The following GSTCD variants were observed in gnomAD, a reference collection of about 807,000 sequenced individuals.
GSTCD encodes the protein glutathione S-transferase C-terminal domain-containing protein.
GSTCD carries 44 observed loss-of-function variants against 68.3 expected under a neutral mutation model. The observed-to-expected ratio is 0.64, with a 90% confidence interval of 0.51 to 0.83. The LOEUF (loss-of-function observed/expected upper bound fraction) is 0.83, where lower values mean the gene tolerates loss of function less well. GSTCD is among the 40% of genes least tolerant of loss of function. GSTCD has a pLI of 0.00. For missense variants in GSTCD, 739 were observed against 735.9 expected, an observed-to-expected ratio of 1.00 and a Z score of -0.05; for synonymous variants, 273 against 255.2, an observed-to-expected ratio of 1.07 and a Z score of -0.67.
intron 5 of GSTCD, among the ~76,000 whole-genome samples, chr4:105,748,270 A>G (rs1170184282): frequency 6.6e-6 from 1 of 152,114 alleles, no homozygotes; most frequent in Non-Finnish European, 1.5e-5. Context: ...AAAGAAAAAA[A>G]AATACTAAAA....
chr4:105,735,559 CG>C (rs1431585036), intron 5 of GSTCD, among the ~76,000 whole-genome samples: 1 of 152,116 alleles, frequency 6.6e-6, no homozygotes, highest in East Asian at 1.9e-4. Context: ...CCCAATTTTC[CG>C]GGTGCTGTGT....
chr4:105,758,230 A>G (rs1274431737), intron 5 of GSTCD, among the ~76,000 whole-genome samples: 5 of 152,180 alleles, frequency 3.3e-5, no homozygotes, highest in African/African-American at 4.8e-5. Flanking sequence ...AGATAACACT[A>G]CAGTGAAAAC....
chr4:105,846,459 C>T lies in GSTCD; in HGVS notation c.*882C>T, dbSNP rs1724550300. The T allele has an allele frequency of 6.6e-6, 1 of 152,056 alleles. No individual in the cohort carries two copies. Among genetic ancestry groups the T allele is most frequent in the South Asian group, 2.1e-4 (1 of 4,826 alleles). The allele number at this position is 152,056 out of a possible 1,614,324, so 9.4% of individuals were successfully genotyped here. ...ATTATTAAATAATTGCCATAAATTTCCTATTACGGGAATGTGGAATTTGGA... is the reference window on the plus strand; with the variant it reads ...ATTATTAAATAATTGCCATAAATTTTCTATTACGGGAATGTGGAATTTGGA... On this transcript the variant is annotated 3_prime_UTR_variant, in exon 12 of 12. Coordinates refer to ENST00000515279, the MANE Select transcript of GSTCD (RefSeq NM_001370181.1).
In GSTCD at chr4:105,778,700, A is replaced by C. The variant is rs1735165349; in HGVS notation, c.1241-44254A>C. 2.0e-5 allele frequency among the ~76,000 whole-genome samples: 3 copies of C among 152,134 alleles called. No homozygotes were observed. The South Asian group carries it at 6.2e-4, about 31-fold the overall frequency. On this transcript the variant is annotated intron_variant, in intron 5 of 11. Coordinates refer to ENST00000515279, the MANE Select transcript of GSTCD (RefSeq NM_001370181.1). ...GTTCAAGGTCATTTTATTTTAATTA[A>C]ACATGTCTTGAATTATAATATGTTC...
chr4:105,780,373 G>C (rs1227592563), intron 5 of GSTCD, among the ~76,000 whole-genome samples: 1 of 152,176 alleles, frequency 6.6e-6, no homozygotes, highest in African/African-American at 2.4e-5. Context: ...TAATGCTCTG[G>C]AAAATGTTTC....
In GSTCD at chr4:105,842,140, T is replaced by A; in HGVS notation, c.1765+6T>A. On this transcript the variant is annotated splice_donor_region_variant and intron_variant, in intron 11 of 11. Coordinates refer to ENST00000515279, the MANE Select transcript of GSTCD (RefSeq NM_001370181.1). ...ACCCCAACGAAGGCTCATAGGTATGTGTTTTCACAGAGCAGCTGTTGAGTG... is the reference window on the plus strand; with the variant it reads ...ACCCCAACGAAGGCTCATAGGTATGAGTTTTCACAGAGCAGCTGTTGAGTG... 1 of 1,611,676 alleles carries A rather than the reference T, an allele frequency of 6.2e-7. No homozygotes were observed.
At chr4:105,820,016 G>A (rs1156228455) in intron 5 of GSTCD, among the ~76,000 whole-genome samples, 2 of 151,790 alleles carry the variant, frequency 1.3e-5, no homozygotes, top group Non-Finnish European at 3.0e-5. Flanking sequence ...GTTATAACTT[G>A]TAAGATACTT....
chr4:105,829,540 G>A lies in GSTCD; in HGVS notation c.1530+3740G>A, dbSNP rs540203460. Among the ~76,000 whole-genome samples, 360 of 152,288 alleles carry A rather than the reference G, an allele frequency of 2.4e-3. 1 individual carries two copies. Among genetic ancestry groups the A allele is most frequent in the African/African-American group, 8.3e-3 (346 of 41,548 alleles). On this transcript the variant is annotated intron_variant, in intron 8 of 11. Coordinates refer to ENST00000515279, the MANE Select transcript of GSTCD (RefSeq NM_001370181.1). ...GGAGCAAAGTCACATCTTACATGGT[G>A]GCAGGCAAGAGTGTGTGCAGGGAAA...
At chr4:105,829,091 C>A (rs562706820) in intron 8 of GSTCD, among the ~76,000 whole-genome samples, 3 of 151,378 alleles carry the variant, frequency 2.0e-5, no homozygotes, top group Non-Finnish European at 4.4e-5. Context: ...CCACAGAAAC[C>A]AGGATCATTT....
At chr4:105,809,489 C>T (rs188253627) in intron 5 of GSTCD, among the ~76,000 whole-genome samples, 73 of 152,204 alleles carry the variant, frequency 4.8e-4, no homozygotes, top group Non-Finnish European at 8.7e-4. Context: ...CCTTTCAGGT[C>T]AGCCTATCTG....
intron 5 of GSTCD, among the ~76,000 whole-genome samples, chr4:105,793,828 T>G (rs1735769342): frequency 6.6e-6 from 1 of 152,110 alleles, no homozygotes; most frequent in Non-Finnish European, 1.5e-5. Flanking sequence ...TGCTGTGATC[T>G]TTTCAAGTTA....
At chr4:105,769,933 T>A (rs1408730817) in intron 5 of GSTCD, among the ~76,000 whole-genome samples, 1 of 152,066 alleles carries the variant, frequency 6.6e-6, no homozygotes, top group Non-Finnish European at 1.5e-5. Flanking sequence ...TTTAAAAAAA[T>A]TTTGAATAGA....
At chr4:105,766,185 G>A (rs149356329) in intron 5 of GSTCD, among the ~76,000 whole-genome samples, 33 of 152,328 alleles carry the variant, frequency 2.2e-4, no homozygotes, top group African/African-American at 7.9e-4. Flanking sequence ...AATGGTAACA[G>A]CAGGAAGCTG....
chr4:105,784,618 A>C (rs956518256), intron 5 of GSTCD, among the ~76,000 whole-genome samples: 1 of 152,222 alleles, frequency 6.6e-6, no homozygotes. Flanking sequence ...TAATGTTTGC[A>C]AAATTGTGAC....
chr4:105,839,698 A>G (rs1284557076), intron 10 of GSTCD, among the ~76,000 whole-genome samples: 1 of 152,264 alleles, frequency 6.6e-6, no homozygotes, highest in South Asian at 2.1e-4. Flanking sequence ...AGAAAGGAAA[A>G]GGAAAGAAAA....
chr4:105,784,927 T>C (rs1338526301), intron 5 of GSTCD, among the ~76,000 whole-genome samples: 1 of 152,182 alleles, frequency 6.6e-6, no homozygotes, highest in African/African-American at 2.4e-5. Flanking sequence ...AAGATTATAT[T>C]GTCCTTTGTC....
chr4:105,828,529 A>G (rs975980661), intron 8 of GSTCD, among the ~76,000 whole-genome samples: 6 of 152,206 alleles, frequency 3.9e-5, no homozygotes, highest in Non-Finnish European at 8.8e-5. Context: ...AAAAGTTCAG[A>G]TCCCCAAATA....
intron 4 of GSTCD, 140 bp downstream of exon 4, chr4:105,726,970 T>C: frequency 9.2e-6 from 6 of 654,778 alleles, no homozygotes; most frequent in South Asian, 7.7e-5. Context: ...TACCAGTTAA[T>C]ATTTCTGCTA....
rs185335008 is a variant in GSTCD, at chr4:105,711,375, C to T, written c.-22+2359C>T. ...GTTTATATTTTACCATTTCATGATTCCCTGGCTTTCAGCCTCAGTAACAAA... is the reference window on the plus strand; with the variant it reads ...GTTTATATTTTACCATTTCATGATTTCCTGGCTTTCAGCCTCAGTAACAAA... On this transcript the variant is annotated intron_variant, in intron 1 of 11. Transcript: ENST00000515279. Among the ~76,000 whole-genome samples, 1,156 of 152,288 alleles carry T rather than the reference C, an allele frequency of 7.6e-3. 7 individuals carry two copies. Among genetic ancestry groups the T allele is most frequent in the Non-Finnish European group, 9.7e-3 (662 of 68,024 alleles).
Sources: gnomAD v4.1 joint callset for allele counts (sites outside exome capture counted in the v4.1 genomes callset) on GRCh38, gnomAD v4.1.1 for gene constraint, MANE v1.5 for transcripts, NCBI Gene and HGNC (gene_info 2026-07-23, HGNC 2026-07-21) for gene names.